Variants in CPEB3 observed in about 807,000 individuals in gnomAD.
CPEB3 encodes the protein cytoplasmic polyadenylation element-binding protein 3.
CPEB3 carries 20 observed loss-of-function variants against 67.2 expected under a neutral mutation model. The observed-to-expected ratio is 0.30, with a 90% CI of 0.21 to 0.43. CPEB3 has a LOEUF of 0.43. Ranked by LOEUF, CPEB3 falls within the 20% of genes least tolerant of loss-of-function variation. The pLI, the probability that CPEB3 is intolerant of heterozygous loss-of-function variation, is 1.00. For missense variants in CPEB3, 746 were observed against 968.6 expected (o/e 0.77, Z 3.05); for synonymous variants, 376 against 393.1 (o/e 0.96, Z 0.51).
intron 6 of CPEB3, among the ~76,000 whole-genome samples, chr10:92,124,184 G>A (rs1450237557): frequency 3.3e-5 from 5 of 152,180 alleles, no homozygotes; most frequent in African/African-American, 1.2e-4. Flanking sequence ...CCTGGTCATA[G>A]CACAGTGTGT....
chr10:92,240,158 G>C lies in CPEB3; in HGVS notation c.193C>G (p.Pro65Ala). 3.9e-6 allele frequency: 6 copies of C among 1,551,740 alleles called. No homozygotes were observed. Among genetic ancestry groups the C allele is most frequent in the Non-Finnish European group, 5.2e-6 (6 of 1,147,154 alleles). Residue 65 changes from proline to alanine, a missense_variant, in exon 2 of 10, where the codon CCC becomes GCC. Around this residue, in one of 2 missense-constraint regions of CPEB3, gnomAD observed 643 missense variants for 717.5 expected, o/e 0.90. Transcript: ENST00000265997. ...ATCTGCATCTTGTCCGGGCCGTTGGGGGCCGGGGGGGCAGCGGCTGGGCTG... is the reference window on the plus strand; with the variant it reads ...ATCTGCATCTTGTCCGGGCCGTTGGCGGCCGGGGGGGCAGCGGCTGGGCTG... ...ALSPAAAPPA[P>A]NGPDKMQMES...
chr10:92,239,903 T>C lies in CPEB3; in HGVS notation c.448A>G (p.Thr150Ala), dbSNP rs770152657. The change falls in exon 2 of 10, where the codon ACT becomes GCT. Residue 150 changes from threonine (T) to alanine (A), a missense_variant. Physicochemically the swap from Thr to Ala is moderately conservative, Grantham distance 58 (BLOSUM62 0). Around this residue, in one of 2 missense-constraint regions of CPEB3, gnomAD observed 643 missense variants for 717.5 expected, o/e 0.90. Coordinates refer to ENST00000265997, the MANE Select transcript of CPEB3 (RefSeq NM_014912.5). This position sits in a 1 kb window ranked among gnomAD's most constrained non-coding sequence, Gnocchi z 6.0. ...GCCAGGCCGATCTGCGGGGAGAAAG[T>C]GCCTCCGAAGACTGGGTTGACATGG... ...PHHVNPVFGG[T>A]FSPQIGLAQT... 4.3e-6 allele frequency: 7 copies of C among 1,612,172 alleles called. 1 individual carries two copies. The South Asian group carries it at 7.7e-5, about 18-fold the overall frequency.
rs893439283 is a variant in CPEB3, at chr10:92,239,112, A to C, written c.1005+234T>G. On this transcript the variant is annotated intron_variant, in intron 2 of 9. Coordinates refer to ENST00000265997, the MANE Select transcript of CPEB3 (RefSeq NM_014912.5). The surrounding 1 kb of genome is among the most constrained non-coding windows in gnomAD (Gnocchi z 6.0). ...AAGGAGAAAATAAACTAAAAGAAAA[A>C]GGCTTCTTCTACCCTGAAGGGACGA... 6.6e-6 allele frequency among the ~76,000 whole-genome samples: 1 copy of C among 152,220 alleles called. No individual in the cohort carries two copies. Among genetic ancestry groups the C allele is most frequent in the Non-Finnish European group, 1.5e-5 (1 of 68,042 alleles).
In CPEB3 at chr10:92,047,355, A is replaced by AT. The variant is rs1308126167; in HGVS notation, c.*4856dup. On this transcript the variant is annotated 3_prime_UTR_variant, in exon 10 of 10. Transcript: ENST00000265997. ...TAAGCCAGTTTTAACAAAAAGATAC[A>AT]TTTTTTTCACTAATCTGTGACTAAT... is the stretch of plus-strand genomic sequence containing the variant. The AT allele has an allele frequency of 1.2e-4, 18 of 152,262 alleles. No individual in the cohort carries two copies. The highest frequency in any genetic ancestry group is 4.1e-4 in the African/African-American group (17 of 41,556). 9.4% of individuals were successfully genotyped at this position (152,262 alleles called of 1,614,324 possible). A position where few individuals can be genotyped will look rare whatever the true frequency, so the allele number is the denominator to read the frequency against.
chr10:92,092,779 GA>G (rs1338071678), intron 7 of CPEB3, among the ~76,000 whole-genome samples: 66 of 141,234 alleles, frequency 4.7e-4, no homozygotes, highest in South Asian at 8.9e-4. Flanking sequence ...ACTGTCTCAG[GA>G]AAAAAAAAAA....
rs182367877 is a variant in CPEB3 at position 92,058,263 on chromosome 10, G to A, written c.1870-5824C>T. Reference sequence around the variant, plus strand: ...ATATCACAATTTTAAATATATATTCGGGCCGGGCACAGTGGCTCACGCCTG... The same window carrying A: ...ATATCACAATTTTAAATATATATTCAGGCCGGGCACAGTGGCTCACGCCTG... On this transcript the variant is annotated intron_variant, in intron 9 of 9. Coordinates refer to ENST00000265997, the MANE Select transcript of CPEB3 (RefSeq NM_014912.5). 4.0e-3 allele frequency among the ~76,000 whole-genome samples: 609 copies of A among 152,066 alleles called. 2 individuals are homozygous for A. Among genetic ancestry groups the A allele is most frequent in the Middle Eastern group, 6.8e-3 (2 of 294 alleles).
intron 8 of CPEB3, 38 bp downstream of exon 8, chr10:92,091,792 G>A (rs1242504765): frequency 7.9e-7 from 1 of 1,264,108 alleles, no homozygotes; most frequent in Non-Finnish European, 1.1e-6. Flanking sequence ...TTTTGTTGTT[G>A]TTGGTTTTGT....
At chr10:92,197,957 A>T (rs958597209) in intron 2 of CPEB3, among the ~76,000 whole-genome samples, 1 of 152,072 alleles carries the variant, frequency 6.6e-6, no homozygotes, top group African/African-American at 2.4e-5. Flanking sequence ...AACTACAAAA[A>T]TTAGCCGGTG....
chr10:92,185,218 T>A (rs920421813), intron 3 of CPEB3, among the ~76,000 whole-genome samples: 4 of 152,230 alleles, frequency 2.6e-5, no homozygotes, highest in Non-Finnish European at 5.9e-5. Flanking sequence ...TAAATTGTTC[T>A]TGTCAGCTAG....
At chr10:92,181,127 A>G (rs1452020905) in intron 3 of CPEB3, 108 bp from the exon 4 acceptor site, 1 of 620,832 alleles carries the variant, frequency 1.6e-6, no homozygotes, top group South Asian at 2.0e-5. Flanking sequence ...ATCTATAACA[A>G]TGCTATCAAA....
At chr10:92,168,024 A>T (rs368429909) in intron 4 of CPEB3, among the ~76,000 whole-genome samples, 1 of 152,234 alleles carries the variant, frequency 6.6e-6, no homozygotes, top group Non-Finnish European at 1.5e-5. Flanking sequence ...ACAAAACATG[A>T]TATACAGAAA....
At chr10:92,055,635 C>G (rs1054290838) in intron 9 of CPEB3, among the ~76,000 whole-genome samples, 5 of 152,192 alleles carry the variant, frequency 3.3e-5, no homozygotes, top group African/African-American at 1.2e-4. Context: ...CCAAACACCT[C>G]TTTTAAGTTT....
intron 9 of CPEB3, among the ~76,000 whole-genome samples, chr10:92,058,460 A>C (rs985209670): frequency 6.6e-6 from 1 of 152,024 alleles, no homozygotes; most frequent in Non-Finnish European, 1.5e-5. Context: ...GAGGCAGGAA[A>C]ATCACTTAAA....
chr10:92,289,732 A>AAAAAAAAAAAATATATATATAT, intron 1 of CPEB3, among the ~76,000 whole-genome samples: 8 of 75,772 alleles, frequency 1.1e-4, no homozygotes, highest in Non-Finnish European at 1.8e-4. Flanking sequence ...AAAAAAAAAA[A>AAAAAAAAAAAATATATATATAT]ATATATATAT....
rs1564898034 is a variant in CPEB3 at position 92,239,649 on chromosome 10, G to A, written c.702C>T (p.Ala234=). 10 of 1,561,030 alleles carry A rather than the reference G, an allele frequency of 6.4e-6. No individual in the cohort carries two copies. Among genetic ancestry groups the A allele is most frequent in the Non-Finnish European group, 7.8e-6 (9 of 1,153,772 alleles). ...TCCAGCTGGACGAGGCCGACGAGGCGGCGGCTGCGGCAGCAGCGGCTGCAA... is the reference window on the plus strand; with the variant it reads ...TCCAGCTGGACGAGGCCGACGAGGCAGCGGCTGCGGCAGCAGCGGCTGCAA... ...SAVAAAAAAA[A]ASSASSSWNT... is the part of the protein sequence containing the mutation. Residue 234 remains alanine, a synonymous_variant, in exon 2 of 10, where the codon GCC becomes GCT. Coordinates refer to ENST00000265997, the MANE Select transcript of CPEB3 (RefSeq NM_014912.5). This position sits in a 1 kb window ranked among gnomAD's most constrained non-coding sequence, Gnocchi z 6.0.
At chr10:92,146,197 G>A (rs1203872430) in intron 4 of CPEB3, among the ~76,000 whole-genome samples, 1 of 152,102 alleles carries the variant, frequency 6.6e-6, no homozygotes, top group Non-Finnish European at 1.5e-5. Flanking sequence ...CAATCCACAT[G>A]ACTATAAGAA....
chr10:92,288,924 C>A (rs1440514422), intron 1 of CPEB3, among the ~76,000 whole-genome samples: 1 of 152,122 alleles, frequency 6.6e-6, no homozygotes, highest in Non-Finnish European at 1.5e-5. Context: ...TGACACAGCA[C>A]AAGGAGCAAA....
intron 2 of CPEB3, among the ~76,000 whole-genome samples, chr10:92,235,875 C>T (rs963692709): frequency 6.6e-6 from 1 of 152,194 alleles, no homozygotes; most frequent in Non-Finnish European, 1.5e-5. Flanking sequence ...CTAAACTTTT[C>T]TTGACAGCAA....
At chr10:92,274,188 G>C (rs920385354) in intron 1 of CPEB3, among the ~76,000 whole-genome samples, 1 of 152,126 alleles carries the variant, frequency 6.6e-6, no homozygotes, top group African/African-American at 2.4e-5. Flanking sequence ...TTGTCGTCAC[G>C]ATCTGAGATA....
Sources: allele counts gnomAD v4.1 joint callset (sites outside exome capture counted in the v4.1 genomes callset), GRCh38; gene constraint gnomAD v4.1.1; regional missense constraint gnomAD v4.1.1; non-coding constraint Gnocchi (gnomAD v3.1); transcripts MANE v1.5; gene names NCBI Gene and HGNC (gene_info 2026-07-23, HGNC 2026-07-21).